The following GAN variants were observed in gnomAD, a reference collection of about 807,000 sequenced individuals.
GAN encodes gigaxonin, also known as epididymis secretory sperm binding protein.
A neutral mutation model predicts 71.3 loss-of-function variants in GAN; 48 were observed. The observed-to-expected ratio is 0.67, with a 90% CI of 0.53 to 0.86. The LOEUF is 0.86. Among genes scored for constraint, GAN ranks in the 40% least tolerant of loss-of-function variants. The pLI, the probability that GAN is intolerant of heterozygous loss-of-function variation, is 0.00. For synonymous variants in GAN, 386 were observed against 276.8 expected (o/e 1.39, Z -3.92); for missense variants, 928 against 770.1 (o/e 1.21, Z -2.43).
chr16:81,330,083 T>C (rs528665218), intron 1 of GAN, among the ~76,000 whole-genome samples: 1 of 152,332 alleles, frequency 6.6e-6, no homozygotes, highest in African/African-American at 2.4e-5. Context: ...CTCAGATCTC[T>C]GGAATCTGCC....
chr16:81,341,770 T>C (rs929269649), intron 1 of GAN, among the ~76,000 whole-genome samples: 4 of 152,136 alleles, frequency 2.6e-5, no homozygotes, highest in Admixed American at 6.5e-5. Context: ...CAGGATCAAA[T>C]TCACACATAA....
chr16:81,367,972 T>C (rs1026768931), intron 9 of GAN, among the ~76,000 whole-genome samples: 3 of 152,272 alleles, frequency 2.0e-5, no homozygotes, highest in African/African-American at 7.2e-5. Flanking sequence ...AAATGTGTTA[T>C]ATTGGCATAG....
chr16:81,317,915 T>C (rs1909099271), intron 1 of GAN, among the ~76,000 whole-genome samples: 1 of 152,234 alleles, frequency 6.6e-6, no homozygotes, highest in Non-Finnish European at 1.5e-5. Flanking sequence ...CAATATGTGT[T>C]TCATCAGTGA....
chr16:81,360,537 C>G (rs901279814), intron 5 of GAN, among the ~76,000 whole-genome samples: 12 of 151,284 alleles, frequency 7.9e-5, no homozygotes, highest in African/African-American at 2.9e-4. Flanking sequence ...TTCTTTTCTC[C>G]TTAACTCTGA....
chr16:81,359,741 C>T (rs1910609712), intron 5 of GAN, among the ~76,000 whole-genome samples: 1 of 152,090 alleles, frequency 6.6e-6, no homozygotes, highest in Admixed American at 6.5e-5. Flanking sequence ...TAGTGCTGAA[C>T]CCTGTACATA....
intron 1 of GAN, among the ~76,000 whole-genome samples, chr16:81,346,202 C>G (rs1311996199): frequency 6.6e-6 from 1 of 152,156 alleles, no homozygotes; most frequent in Non-Finnish European, 1.5e-5. Context: ...TTATTAACTA[C>G]AGCAGGAGAT....
At chr16:81,335,746 CAA>C (rs55948723) in intron 1 of GAN, among the ~76,000 whole-genome samples, 10 of 103,424 alleles carry the variant, frequency 9.7e-5, no homozygotes, top group African/African-American at 1.9e-4. Flanking sequence ...GACTCAGTCT[CAA>C]AAAAAAAAAA....
At chr16:81,324,707 G>A (rs1195271173) in intron 1 of GAN, among the ~76,000 whole-genome samples, 1 of 152,202 alleles carries the variant, frequency 6.6e-6, no homozygotes, top group Non-Finnish European at 1.5e-5. Flanking sequence ...GGACAAAAAA[G>A]CAATTGATGG....
In GAN at chr16:81,315,256, TG is replaced by T; in HGVS notation, c.145del (p.Ala49ArgfsTer11). On this transcript the variant is annotated frameshift_variant, in exon 1 of 11. Transcript: ENST00000648994. LOFTEE classifies it high-confidence loss of function. Reference protein sequence around the residue: ...GEEIPVQKNILAAASPYIRTK... With the variant: ...GEEIPVQKNIXAAASPYIRTK... ...GAGATCCCGGTGCAGAAGAACATCCTGGCGGCGGCCAGCCCGTACATCAGGT... is the reference window on the plus strand; with the variant it reads ...GAGATCCCGGTGCAGAAGAACATCCTGCGGCGGCCAGCCCGTACATCAGGT... 6.5e-7 allele frequency: 1 copy of T among 1,535,006 alleles called. No homozygotes were observed. The highest frequency in any genetic ancestry group is 1.4e-5 in the African/African-American group (1 of 69,816).
intron 1 of GAN, among the ~76,000 whole-genome samples, chr16:81,334,120 A>G (rs1909675231): frequency 6.6e-6 from 1 of 152,258 alleles, no homozygotes; most frequent in Non-Finnish European, 1.5e-5. Context: ...TCTTCCAGAT[A>G]CAAATGTAAT....
At chr16:81,350,384 G>C (rs9932108) in intron 1 of GAN, among the ~76,000 whole-genome samples, 6 of 152,130 alleles carry the variant, frequency 3.9e-5, no homozygotes, top group African/African-American at 7.2e-5. Flanking sequence ...TTATGAATCC[G>C]CAGATGCCCT....
At chr16:81,321,875 A>C (rs533613615) in intron 1 of GAN, among the ~76,000 whole-genome samples, 3 of 152,166 alleles carry the variant, frequency 2.0e-5, no homozygotes, top group African/African-American at 7.2e-5. Flanking sequence ...AGCGCTTCCC[A>C]TGGGTTCTCT....
rs1904286895 is a variant in GAN, at chr16:81,377,730, A to C, written c.*134A>C. On this transcript the variant is annotated 3_prime_UTR_variant, in exon 11 of 11. Coordinates refer to ENST00000648994, the MANE Select transcript of GAN (RefSeq NM_022041.4). Reference sequence around the variant, plus strand: ...ATGGTAACTCTTTGGTGGTTTTATGATGCTTACAAACTTGAGCTTTAGCTC... The same window carrying C: ...ATGGTAACTCTTTGGTGGTTTTATGCTGCTTACAAACTTGAGCTTTAGCTC... The C allele has an allele frequency of 1.2e-6, 1 of 849,254 alleles. No individual in the cohort carries two copies. Among genetic ancestry groups the C allele is most frequent in the Admixed American group, 1.9e-5 (1 of 53,166 alleles). 52.6% of individuals were successfully genotyped at this position (849,254 alleles called of 1,614,324 possible). A position where few individuals can be genotyped will look rare whatever the true frequency, so the allele number is the denominator to read the frequency against.
rs141260152 is a variant in GAN, at chr16:81,341,786, T to A, written c.168-9797T>A. ...AGGATCAAATTCACACATAAGAATA[T>A]TAACCTTAAATGTAAATGGGCTAAA... is the stretch of plus-strand genomic sequence containing the variant. On this transcript the variant is annotated intron_variant, in intron 1 of 10. Transcript: ENST00000648994. Among the ~76,000 whole-genome samples, 1,017 of 152,264 alleles carry A rather than the reference T, an allele frequency of 6.7e-3. 2 individuals are homozygous for A. Among genetic ancestry groups the A allele is most frequent in the Non-Finnish European group, 0.011 (732 of 68,014 alleles).
At chr16:81,347,743 A>G (rs1910168001) in intron 1 of GAN, among the ~76,000 whole-genome samples, 1 of 152,178 alleles carries the variant, frequency 6.6e-6, no homozygotes, top group Non-Finnish European at 1.5e-5. Flanking sequence ...TTCATTTACA[A>G]GTATGAAGCC....
chr16:81,375,655 C>G (rs1413766406), intron 9 of GAN, among the ~76,000 whole-genome samples: 3 of 151,864 alleles, frequency 2.0e-5, no homozygotes, highest in Non-Finnish European at 4.4e-5. Flanking sequence ...AACCTTTAAA[C>G]AGACATTTTA....
intron 1 of GAN, among the ~76,000 whole-genome samples, chr16:81,336,667 G>A (rs1422503873): frequency 6.6e-6 from 1 of 150,920 alleles, no homozygotes; most frequent in Non-Finnish European, 1.5e-5. Flanking sequence ...TTGTAGAGAG[G>A]AGGTCTCACT....
At chr16:81,362,011 G>GT (rs1452322903) in intron 5 of GAN, among the ~76,000 whole-genome samples, 3 of 152,140 alleles carry the variant, frequency 2.0e-5, no homozygotes, top group East Asian at 1.9e-4. Context: ...CCAGCAAATT[G>GT]TTTTTTGCAG....
intron 1 of GAN, among the ~76,000 whole-genome samples, chr16:81,345,379 A>G (rs1040437843): frequency 4.6e-5 from 7 of 152,216 alleles, no homozygotes; most frequent in Non-Finnish European, 8.8e-5. Context: ...AGACTAAGAA[A>G]ATGTGGCACA....
Sources: allele counts gnomAD v4.1 joint callset (sites outside exome capture counted in the v4.1 genomes callset), GRCh38; gene constraint gnomAD v4.1.1; transcripts MANE v1.5; gene names NCBI Gene and HGNC (gene_info 2026-07-23, HGNC 2026-07-21).